PKHD1L1: variants seen among roughly 807,000 people sequenced by gnomAD.
The protein encoded by PKHD1L1 is PKHD1 like 1.
A neutral mutation model predicts 462.9 loss-of-function variants in PKHD1L1; 434 were observed. The observed-to-expected ratio is 0.94, with a 90% CI of 0.87 to 1.02. PKHD1L1 has a LOEUF of 1.02. Among genes scored for constraint, PKHD1L1 ranks in the 50% least tolerant of loss-of-function variants. The probability of loss-of-function intolerance (pLI) is 0.00; values close to 1 mark genes in which losing one functional copy is unlikely to be tolerated. For synonymous variants in PKHD1L1, 1,781 were observed against 1,750.0 expected (o/e 1.02, Z -0.44); for missense variants, 5,202 against 5,096.1 (o/e 1.02, Z -0.63).
In PKHD1L1 at chr8:109,445,110, C is replaced by T; in HGVS notation, c.5241C>T (p.Ile1747=). The T allele has an allele frequency of 6.2e-7, 1 of 1,613,964 alleles. No homozygotes were observed. Among genetic ancestry groups the T allele is most frequent in the Non-Finnish European group, 8.5e-7 (1 of 1,179,896 alleles). ...GCACCTTTTCATACTTAGAAAGCAT[C>T]ACTCCTTACATAACAGGAGTCTTCC... The part of the protein sequence containing the change: ...GNCTFSYLES[I]TPYITGVFPN... The change falls in exon 38 of 78, where the codon ATC becomes ATT. Residue 1747 remains isoleucine (I), a synonymous_variant. Coordinates refer to ENST00000378402, the MANE Select transcript of PKHD1L1 (RefSeq NM_177531.6).
At chr8:109,408,624 A>G (rs1383010724) in intron 18 of PKHD1L1, among the ~76,000 whole-genome samples, 3 of 152,182 alleles carry the variant, frequency 2.0e-5, no homozygotes, top group Admixed American at 6.5e-5. Flanking sequence ...TTATTGATGT[A>G]TTTTTATACA....
chr8:109,464,286 A>G lies in PKHD1L1; in HGVS notation c.7454A>G (p.Gln2485Arg). Residue 2485 changes from glutamine (Q) to arginine (R), a missense_variant, in exon 49 of 78, where the codon CAG becomes CGG. By Grantham distance (43) the Gln-to-Arg change is conservative. Coordinates refer to ENST00000378402, the MANE Select transcript of PKHD1L1 (RefSeq NM_177531.6). ...PIHWHLLGDL[Q>R]FKSYVRGCAI... ...CATTGGCACCTGCTTGGAGACTTAC[A>G]GTTTAAATCTTATGTAAGAGGCTGT... 1 of 1,612,820 alleles carries G rather than the reference A, an allele frequency of 6.2e-7. No homozygotes were observed. Among genetic ancestry groups the G allele is most frequent in the Non-Finnish European group, 8.5e-7 (1 of 1,179,252 alleles).
intron 62 of PKHD1L1, 93 bp from the exon 63 acceptor site, chr8:109,493,568 G>A (rs960553346): frequency 6.2e-6 from 4 of 641,524 alleles, no homozygotes; most frequent in African/African-American, 5.7e-5. Flanking sequence ...ATAATTAAAG[G>A]TTTTCATAAG....
chr8:109,496,619 G>A (rs909750631), intron 63 of PKHD1L1, among the ~76,000 whole-genome samples: 3 of 152,206 alleles, frequency 2.0e-5, no homozygotes, highest in African/African-American at 4.8e-5. Context: ...TAAACCAGGC[G>A]AGGTGGGGCA....
intron 67 of PKHD1L1, among the ~76,000 whole-genome samples, chr8:109,499,790 C>T (rs1586629234): frequency 6.6e-6 from 1 of 152,192 alleles, no homozygotes; most frequent in Admixed American, 6.5e-5. Flanking sequence ...AGGAAGAGAA[C>T]AGGGCAAGGG....
At chr8:109,487,333 G>C (rs181876422) in intron 59 of PKHD1L1, among the ~76,000 whole-genome samples, 1 of 151,806 alleles carries the variant, frequency 6.6e-6, no homozygotes, top group East Asian at 1.9e-4. Flanking sequence ...GCAACTCTAA[G>C]ACATTTTAGA....
rs533365386 is a variant in PKHD1L1, at chr8:109,454,097, G to T, written c.6665-70G>T. 187 of 843,346 alleles carry T rather than the reference G, an allele frequency of 2.2e-4. 1 individual carries two copies. In the South Asian group the frequency reaches 3.3e-3, roughly 15 times the overall value. The allele number at this position is 843,346 out of a possible 1,614,324, so 52.2% of individuals were successfully genotyped here. A position where few individuals can be genotyped will look rare whatever the true frequency, so the allele number is the denominator to read the frequency against. On this transcript the variant is annotated intron_variant, in intron 43 of 77. Transcript: ENST00000378402. ...TTTAATAATTATGTTAAATTGTAAT[G>T]AATAATTTAATAGGTAACTTTTAAC...
rs760921467 is a variant in PKHD1L1, at chr8:109,508,239, C to T, written c.11370C>T (p.Gly3790=). ...TRRLSPVAIM[G]NGYVDLINGP... is the part of the protein sequence containing the mutation. The stretch of plus-strand genomic sequence containing the variant: ...GACTTTCCCCAGTGGCTATAATGGG[C>T]AACGGTTATGTTGATCTTATTAATG... Residue 3790 remains glycine, a synonymous_variant, in exon 70 of 78, where the codon GGC becomes GGT. Coordinates refer to ENST00000378402, the MANE Select transcript of PKHD1L1 (RefSeq NM_177531.6). 6.2e-7 allele frequency: 1 copy of T among 1,610,656 alleles called. No homozygotes were observed. The highest frequency in any genetic ancestry group is 1.1e-5 in the South Asian group (1 of 90,390).
rs1473484983 is a variant in PKHD1L1, at chr8:109,454,164, T to C, written c.6665-3T>C. On this transcript the variant is annotated splice_region_variant and splice_polypyrimidine_tract_variant and intron_variant, in intron 43 of 77. Coordinates refer to ENST00000378402, the MANE Select transcript of PKHD1L1 (RefSeq NM_177531.6). ...ATGTATTTCAAAATTGTATGATTCA[T>C]AGGTGGGACTCTAATATTTGATGAA... The C allele has an allele frequency of 1.9e-6, 3 of 1,598,080 alleles. No individual in the cohort carries two copies. Among genetic ancestry groups the C allele is most frequent in the Non-Finnish European group, 1.7e-6 (2 of 1,170,890 alleles).
chr8:109,411,568 A>G (rs1028016109), intron 19 of PKHD1L1, among the ~76,000 whole-genome samples: 1 of 152,092 alleles, frequency 6.6e-6, no homozygotes, highest in African/African-American at 2.4e-5. Context: ...TTCCTACTTC[A>G]TTTCTCATCA....
At chr8:109,503,319 A>C (rs1362981311) in intron 67 of PKHD1L1, among the ~76,000 whole-genome samples, 10 of 152,108 alleles carry the variant, frequency 6.6e-5, no homozygotes, top group South Asian at 4.2e-4. Flanking sequence ...AACAAACAAA[A>C]AAAAAACAGA....
At chr8:109,393,407 A>G (rs1370730082) in intron 9 of PKHD1L1, among the ~76,000 whole-genome samples, 1 of 152,170 alleles carries the variant, frequency 6.6e-6, no homozygotes, top group Non-Finnish European at 1.5e-5. Flanking sequence ...TTAAAGTAAC[A>G]GCATTTAATT....
chr8:109,406,214 A>G, intron 16 of PKHD1L1, 121 bp from the exon 17 acceptor site: 2 of 848,756 alleles, frequency 2.4e-6, no homozygotes, highest in Non-Finnish European at 3.3e-6. Context: ...GTGATAACTT[A>G]CATGGTACAG....
intron 76 of PKHD1L1, among the ~76,000 whole-genome samples, chr8:109,526,542 G>A (rs770554085): frequency 6.6e-6 from 1 of 152,180 alleles, no homozygotes; most frequent in Non-Finnish European, 1.5e-5. Context: ...AGGTACTGCT[G>A]CTGCAGAAAG....
At chr8:109,413,865 T>A (rs1813990388) in intron 21 of PKHD1L1, among the ~76,000 whole-genome samples, 1 of 152,050 alleles carries the variant, frequency 6.6e-6, no homozygotes, top group African/African-American at 2.4e-5. Flanking sequence ...ATGTTCCTAG[T>A]TATGCTGGAA....
intron 70 of PKHD1L1, among the ~76,000 whole-genome samples, chr8:109,509,559 T>C (rs1475372504): frequency 6.6e-6 from 1 of 150,854 alleles, no homozygotes; most frequent in Non-Finnish European, 1.5e-5. Context: ...TGTGCTATAC[T>C]AGATGGGAAA....
chr8:109,448,039 A>G, intron 38 of PKHD1L1, 104 bp from the exon 39 acceptor site: 1 of 1,060,060 alleles, frequency 9.4e-7, no homozygotes, highest in Non-Finnish European at 1.3e-6. Context: ...TAGTTTTAAA[A>G]CACTGGTTAT....
At chr8:109,372,901 G>C (rs1336223967) in intron 2 of PKHD1L1, among the ~76,000 whole-genome samples, 1 of 152,102 alleles carries the variant, frequency 6.6e-6, no homozygotes, top group Non-Finnish European at 1.5e-5. Flanking sequence ...GCTGGATTTG[G>C]TTTGCCAGTA....
intron 33 of PKHD1L1, among the ~76,000 whole-genome samples, 168 bp downstream of exon 33, chr8:109,441,020 A>G (rs997673145): frequency 1.3e-5 from 2 of 152,120 alleles, no homozygotes; most frequent in African/African-American, 4.8e-5. Context: ...CTGAATAACT[A>G]CTTTTTATTT....
Sources: allele counts gnomAD v4.1 joint callset (sites outside exome capture counted in the v4.1 genomes callset), GRCh38; gene constraint gnomAD v4.1.1; transcripts MANE v1.5; gene names NCBI Gene and HGNC (gene_info 2026-07-23, HGNC 2026-07-21).